Variants in TCHP observed in about 807,000 individuals in gnomAD.
TCHP encodes the protein trichoplein keratin filament-binding protein.
In TCHP, 81 loss-of-function variants were observed where a neutral mutation model predicts 88.7. The ratio of observed to expected loss-of-function variants is 0.91; its 90% confidence interval spans 0.76 to 1.10. The LOEUF is 1.10. Among genes scored for constraint, TCHP ranks in the 50% least tolerant of loss-of-function variants. TCHP has a pLI of 0.00. For missense variants in TCHP, 641 were observed against 632.1 expected (o/e 1.01, Z -0.15); for synonymous variants, 232 against 232.5 (o/e 1.00, Z 0.02).
At chr12:109,916,458 G>C in intron 12 of TCHP, 133 bp from the exon 13 acceptor site, 1 of 948,624 alleles carries the variant, frequency 1.1e-6, no homozygotes, top group South Asian at 1.8e-5. Flanking sequence ...TATGGCTTAG[G>C]GTCAGATTTT....
chr12:109,915,537 C>T lies in TCHP; in HGVS notation c.1455C>T (p.Tyr485=). 6.2e-7 allele frequency: 1 copy of T among 1,613,092 alleles called. No homozygotes were observed. Among genetic ancestry groups the T allele is most frequent in the Non-Finnish European group, 8.5e-7 (1 of 1,179,500 alleles). ...QEAETMAEQG[Y]RPKPYGHPKI... is the part of the protein sequence containing the mutation. Reference sequence around the variant, plus strand: ...CGGAGACTATGGCTGAGCAGGGCTACCGGCCTAAGGTAGGAAGTCTGCCAG... The same window carrying T: ...CGGAGACTATGGCTGAGCAGGGCTATCGGCCTAAGGTAGGAAGTCTGCCAG... The change falls in exon 12 of 13, where the codon TAC becomes TAT. Residue 485 remains tyrosine, a synonymous_variant. Transcript: ENST00000405876.
At chr12:109,884,172 A>G in the TCHP span, among the ~76,000 whole-genome samples, 2 of 152,254 alleles carry the variant, frequency 1.3e-5, no homozygotes, top group Admixed American at 6.5e-5. Flanking sequence ...CCTGGGTAAC[A>G]AAATGAGAAA....
chr12:109,916,313 C>T lies in TCHP; in HGVS notation c.1465-278C>T, dbSNP rs139421990. ...GCCCTCAAACACTGACTGTCACAGT[C>T]ACAGGGAACAGCATTTCCTAAACCC... is the stretch of plus-strand genomic sequence containing the variant. On this transcript the variant is annotated intron_variant, in intron 12 of 12. Transcript: ENST00000405876. 2.6e-5 allele frequency among the ~76,000 whole-genome samples: 4 copies of T among 152,330 alleles called. No homozygotes were observed. In the East Asian group the frequency reaches 7.7e-4, roughly 29 times the overall value.
chr12:109,907,727 C>T lies in TCHP; in HGVS notation c.699+28C>T, dbSNP rs941489396. Reference sequence around the variant, plus strand: ...GGGCACAAGCCCCTCTCAGCCGTGACCTCCTCCACAGCTGCTCGTTAGCAT... The same window carrying T: ...GGGCACAAGCCCCTCTCAGCCGTGATCTCCTCCACAGCTGCTCGTTAGCAT... On this transcript the variant is annotated intron_variant, in intron 6 of 12. Coordinates refer to ENST00000405876, the MANE Select transcript of TCHP (RefSeq NM_001143852.2). 5.1e-6 allele frequency: 8 copies of T among 1,569,344 alleles called. No individual in the cohort carries two copies. The Admixed American group carries it at 1.3e-4, about 26-fold the overall frequency.
intron 9 of TCHP, 54 bp from the exon 10 acceptor site, chr12:109,912,937 G>A (rs542534246): frequency 2.8e-5 from 43 of 1,518,498 alleles, no homozygotes; most frequent in East Asian, 6.8e-5. Context: ...TCCGTAGCTC[G>A]CTTCCTGCCA....
intron 12 of TCHP, 52 bp from the exon 13 acceptor site, chr12:109,916,539 T>C: frequency 1.9e-6 from 3 of 1,548,630 alleles, no homozygotes; most frequent in Non-Finnish European, 2.6e-6. Flanking sequence ...TAATTCCTCA[T>C]GCTGCAGATA....
At chr12:109,899,040 A>C (rs912117859), upstream of TCHP, among the ~76,000 whole-genome samples, 7 of 152,128 alleles carry the variant, frequency 4.6e-5, no homozygotes. Flanking sequence ...GCTGGTCTTC[A>C]ACTCCTGACC....
intron 11 of TCHP, chr12:109,914,874 A>G: frequency 2.1e-6 from 1 of 470,970 alleles, no homozygotes; most frequent in Non-Finnish European, 3.8e-6. Context: ...TGCTTCTGCA[A>G]GCAGTTGGCT....
chr12:109,906,552 C>T lies in TCHP; in HGVS notation c.457-20C>T, dbSNP rs769662543. The T allele has an allele frequency of 1.7e-5, 27 of 1,611,716 alleles. No homozygotes were observed. Among genetic ancestry groups the T allele is most frequent in the African/African-American group, 4.0e-5 (3 of 74,866 alleles). On this transcript the variant is annotated intron_variant, in intron 4 of 12. Transcript: ENST00000405876. ...ATCTGTCTGGTGAGGAAATTCACAT[C>T]GTCCCCCTTCCATCCTCAGATGGAG...
the TCHP span, among the ~76,000 whole-genome samples, chr12:109,885,808 T>C: frequency 6.6e-6 from 1 of 151,794 alleles, no homozygotes; most frequent in Admixed American, 6.6e-5. Context: ...GGCACAGTCT[T>C]GCTCTGTTAC....
In TCHP at chr12:109,908,585, G is replaced by A. The variant is rs1262019708; in HGVS notation, c.700-1G>A. ...CGAGCTTACTCTCATCATCACCACA[G>A]GCGACCAAACTAAAGAAGGAGCAGG... is the stretch of plus-strand genomic sequence containing the variant. On this transcript the variant is annotated splice_acceptor_variant, in intron 6 of 12. Coordinates refer to ENST00000405876, the MANE Select transcript of TCHP (RefSeq NM_001143852.2). LOFTEE classifies it high-confidence loss of function. The A allele has an allele frequency of 1.9e-6, 3 of 1,594,664 alleles. No individual in the cohort carries two copies. Among genetic ancestry groups the A allele is most frequent in the East Asian group, 2.3e-5 (1 of 44,258 alleles).
chr12:109,914,402 G>C (rs1395119243), intron 10 of TCHP, 40 bp from the exon 11 acceptor site: 1 of 1,570,810 alleles, frequency 6.4e-7, no homozygotes. Context: ...ATCTGTTAGG[G>C]TCAACCTCAA....
At position 109,903,062 on chromosome 12, in the gene TCHP, C is replaced by G; in HGVS notation, c.36C>G (p.Ser12Arg). The change falls in exon 2 of 13, where the codon AGC (serine) becomes AGG (arginine). Residue 12 changes from serine to arginine, a missense_variant. Ser to Arg is a moderately radical substitution (Grantham distance 110). Transcript: ENST00000405876. The surrounding 1 kb of genome is among the most constrained non-coding windows in gnomAD (Gnocchi z 4.6). ...CGACGCTGCCGTCCTACTGGTGCAG[C>G]CAGCAGCGCCTGAATCAGCAGCTAG... The part of the protein sequence containing the change: ...ALPTLPSYWC[S>R]QQRLNQQLAR... 6.2e-7 allele frequency: 1 copy of G among 1,612,958 alleles called. No homozygotes were observed. Among genetic ancestry groups the G allele is most frequent in the Non-Finnish European group, 8.5e-7 (1 of 1,179,292 alleles).
In TCHP at chr12:109,903,038, G is replaced by A. The variant is rs757189171; in HGVS notation, c.12G>A (p.Pro4=). The change falls in exon 2 of 13, where the codon CCG becomes CCA. Residue 4 remains proline, a synonymous_variant. Coordinates refer to ENST00000405876, the MANE Select transcript of TCHP (RefSeq NM_001143852.2). This position sits in a 1 kb window ranked among gnomAD's most constrained non-coding sequence, Gnocchi z 4.6. ...ATTCCTGTTCTCAGATGGCGCTCCC[G>A]ACGCTGCCGTCCTACTGGTGCAGCC... MAL[P]TLPSYWCSQQ... The A allele has an allele frequency of 2.4e-5, 38 of 1,599,308 alleles. No homozygotes were observed. Among genetic ancestry groups the A allele is most frequent in the East Asian group, 2.0e-4 (9 of 44,684 alleles).
At chr12:109,898,899 A>G (rs1345047102), upstream of TCHP, among the ~76,000 whole-genome samples, 2 of 152,012 alleles carry the variant, frequency 1.3e-5, no homozygotes, top group Admixed American at 1.3e-4. Flanking sequence ...GCTCACTGCA[A>G]CCTCTGCCTC....
chr12:109,908,304 G>A (rs761273881), intron 6 of TCHP, among the ~76,000 whole-genome samples: 1 of 152,218 alleles, frequency 6.6e-6, no homozygotes, highest in Admixed American at 6.5e-5. Flanking sequence ...TGACCTCCTG[G>A]TGGGGGCTGT....
In TCHP at chr12:109,916,646, G is replaced by A. The variant is rs1592916780; in HGVS notation, c.*23G>A. The A allele has an allele frequency of 6.2e-7, 1 of 1,611,036 alleles. No homozygotes were observed. The highest frequency in any genetic ancestry group is 8.5e-7 in the Non-Finnish European group (1 of 1,178,856). On this transcript the variant is annotated 3_prime_UTR_variant, in exon 13 of 13. Transcript: ENST00000405876. The stretch of plus-strand genomic sequence containing the variant: ...TGACTTCATGGGTACCATAAGTACA[G>A]AGAACAAGGGATGCTGAGGCTTCTG...
upstream of TCHP, among the ~76,000 whole-genome samples, chr12:109,899,510 C>A (rs981239379): frequency 6.6e-6 from 1 of 152,032 alleles, no homozygotes; most frequent in African/African-American, 2.4e-5. Flanking sequence ...TGGTGGCGTG[C>A]GCCTGTAGTC....
chr12:109,893,745 C>T, the TCHP span, among the ~76,000 whole-genome samples: 8 of 152,214 alleles, frequency 5.3e-5, no homozygotes, highest in East Asian at 1.2e-3. Context: ...GAGGGAGCAA[C>T]TCAACAAAAA....
Sources: allele counts gnomAD v4.1 joint callset (sites outside exome capture counted in the v4.1 genomes callset), GRCh38; gene constraint gnomAD v4.1.1; non-coding constraint Gnocchi (gnomAD v3.1); transcripts MANE v1.5; gene names NCBI Gene and HGNC (gene_info 2026-07-23, HGNC 2026-07-21).